FSTL4: variants seen among roughly 807,000 people sequenced by gnomAD.
FSTL4 encodes the protein follistatin-related protein 4.
Under a neutral mutation model 78.2 loss-of-function variants are expected in FSTL4, and 28 were observed. That is an observed-to-expected ratio of 0.36 (90% CI 0.27 to 0.49). The LOEUF is 0.49. FSTL4 is among the 20% of genes least tolerant of loss of function. FSTL4 has a pLI of 0.98. For missense variants in FSTL4, 922 were observed against 1,084.9 expected (o/e 0.85, Z 2.11); for synonymous variants, 422 against 440.5 (o/e 0.96, Z 0.53).
chr5:133,344,604 GAT>G (rs1754656613), intron 4 of FSTL4, among the ~76,000 whole-genome samples: 1 of 152,100 alleles, frequency 6.6e-6, no homozygotes, highest in African/African-American at 2.4e-5. Flanking sequence ...AATATTTTAT[GAT>G]GTCTTTCTGG....
intron 2 of FSTL4, among the ~76,000 whole-genome samples, chr5:133,594,008 T>G (rs561767978): frequency 6.6e-6 from 1 of 151,892 alleles, no homozygotes; most frequent in African/African-American, 2.4e-5. Flanking sequence ...AGGTGCTCAG[T>G]GGGTGTCTGT....
chr5:133,342,961 T>A (rs1454570747), intron 4 of FSTL4, among the ~76,000 whole-genome samples: 1 of 152,166 alleles, frequency 6.6e-6, no homozygotes, highest in Non-Finnish European at 1.5e-5. Flanking sequence ...GGGAGCTGCT[T>A]CTCACCATCT....
chr5:133,262,847 G>A (rs931503920), intron 6 of FSTL4, among the ~76,000 whole-genome samples: 2 of 152,206 alleles, frequency 1.3e-5, no homozygotes, highest in Non-Finnish European at 2.9e-5. Flanking sequence ...ACTGGCATCA[G>A]GTGGTGTGGG....
At chr5:133,395,596 C>T (rs1756010069) in intron 4 of FSTL4, among the ~76,000 whole-genome samples, 1 of 152,228 alleles carries the variant, frequency 6.6e-6, no homozygotes, top group African/African-American at 2.4e-5. Flanking sequence ...CTGCTTGGCA[C>T]ACAAGGCCTT....
chr5:133,285,857 G>A (rs1158465415), intron 6 of FSTL4, among the ~76,000 whole-genome samples: 2 of 152,240 alleles, frequency 1.3e-5, no homozygotes, highest in Non-Finnish European at 2.9e-5. Context: ...GCCACGCCCA[G>A]GCATAGACTT....
chr5:133,446,324 C>G (rs902819527), intron 3 of FSTL4, among the ~76,000 whole-genome samples: 1 of 152,218 alleles, frequency 6.6e-6, no homozygotes, highest in East Asian at 1.9e-4. Flanking sequence ...CCTGTAATCC[C>G]AGCTACTTGG....
chr5:133,460,999 T>C (rs999822706), intron 3 of FSTL4, among the ~76,000 whole-genome samples: 7 of 152,198 alleles, frequency 4.6e-5, no homozygotes, highest in Admixed American at 2.0e-4. Flanking sequence ...TTTAGCAACA[T>C]TGAAGGTTAA....
At chr5:133,261,801 G>A (rs1435475879) in intron 6 of FSTL4, among the ~76,000 whole-genome samples, 4 of 152,126 alleles carry the variant, frequency 2.6e-5, no homozygotes, top group African/African-American at 7.2e-5. Flanking sequence ...GGCCTGCCTG[G>A]ACAACATGGC....
At chr5:133,676,629 G>A in the FSTL4 span, among the ~76,000 whole-genome samples, 265 of 152,262 alleles carry the variant, frequency 1.7e-3, no homozygotes, top group Middle Eastern at 0.014. Context: ...ATTACATGAA[G>A]ATGTAAGAAC....
the FSTL4 span, among the ~76,000 whole-genome samples, chr5:133,679,937 C>A: frequency 6.6e-6 from 1 of 152,160 alleles, no homozygotes; most frequent in African/African-American, 2.4e-5. Context: ...CCACCCCATA[C>A]TACCCACAAA....
rs142715752 is a variant in FSTL4, at chr5:133,476,100, A to G, written c.161-75114T>C. ...CAAAGAAAGGTGCTGAGGCCAGCAG[A>G]AAGGTGTGAAGAGAGAGGCTGCTGG... On this transcript the variant is annotated intron_variant, in intron 3 of 15. Transcript: ENST00000265342. Among the ~76,000 whole-genome samples the G allele has an allele frequency of 4.5e-4, 68 of 152,318 alleles. 2 individuals are homozygous for G. In the East Asian group the frequency reaches 6.2e-3, roughly 14 times the overall value.
chr5:133,723,707 C>T, the FSTL4 span, among the ~76,000 whole-genome samples: 1 of 152,182 alleles, frequency 6.6e-6, no homozygotes, highest in Non-Finnish European at 1.5e-5. Flanking sequence ...ATCTGCTTAG[C>T]CCCCAGGGAG....
chr5:133,237,134 G>T (rs936900544), intron 7 of FSTL4, among the ~76,000 whole-genome samples: 1 of 152,182 alleles, frequency 6.6e-6, no homozygotes, highest in African/African-American at 2.4e-5. Context: ...CTCAAAATGA[G>T]GCAGCTGGCG....
At chr5:133,345,032 G>T (rs1400289717) in intron 4 of FSTL4, among the ~76,000 whole-genome samples, 3 of 147,746 alleles carry the variant, frequency 2.0e-5, no homozygotes, top group Non-Finnish European at 1.5e-5. Context: ...GCAGTGGAAC[G>T]ATCTCCACTC....
In FSTL4 at chr5:133,265,792, A is replaced by G. The variant is rs544610189; in HGVS notation, c.728-16216T>C. ...TCATGCTGGACCTGATGCCACTGAC[A>G]GGCCTGTCCCATGTGGGGATGTGAA... On this transcript the variant is annotated intron_variant, in intron 6 of 15. Coordinates refer to ENST00000265342, the MANE Select transcript of FSTL4 (RefSeq NM_015082.2). 4.2e-3 allele frequency among the ~76,000 whole-genome samples: 632 copies of G among 152,212 alleles called. 1 individual carries two copies. The highest frequency in any genetic ancestry group is 6.9e-3 in the Non-Finnish European group (470 of 67,982).
the FSTL4 span, among the ~76,000 whole-genome samples, chr5:133,755,251 T>G: frequency 6.6e-6 from 1 of 152,166 alleles, no homozygotes; most frequent in Non-Finnish European, 1.5e-5. Context: ...GATGCAGCTG[T>G]GAGCTGTTAT....
chr5:133,340,781 A>T (rs1754562786), intron 4 of FSTL4, among the ~76,000 whole-genome samples: 1 of 152,182 alleles, frequency 6.6e-6, no homozygotes, highest in African/African-American at 2.4e-5. Context: ...GCTAAACTGG[A>T]AATCATTATG....
At chr5:133,514,653 C>G (rs535913988) in intron 3 of FSTL4, among the ~76,000 whole-genome samples, 28 of 152,144 alleles carry the variant, frequency 1.8e-4, no homozygotes, top group African/African-American at 6.7e-4. Flanking sequence ...TCATCATGTT[C>G]CAGAAGAAAA....
chr5:133,487,020 T>C (rs989762675), intron 3 of FSTL4, among the ~76,000 whole-genome samples: 1 of 152,154 alleles, frequency 6.6e-6, no homozygotes, highest in Non-Finnish European at 1.5e-5. Context: ...CACACAGCTT[T>C]GCCATGGAGT....
Sources: allele counts gnomAD v4.1 joint callset (sites outside exome capture counted in the v4.1 genomes callset), GRCh38; gene constraint gnomAD v4.1.1; transcripts MANE v1.5; gene names NCBI Gene and HGNC (gene_info 2026-07-23, HGNC 2026-07-21).